SCYL2: variants seen among roughly 807,000 people sequenced by gnomAD.
SCYL2 encodes the protein SCY1-like protein 2.
SCYL2 carries 36 observed loss-of-function variants against 100.4 expected under a neutral mutation model. The observed-to-expected ratio is 0.36, with a 90% CI of 0.27 to 0.47. The LOEUF is 0.47. Ranked by LOEUF, SCYL2 falls within the 20% of genes least tolerant of loss-of-function variation. The pLI, the probability that SCYL2 is intolerant of heterozygous loss-of-function variation, is 1.00. For missense variants in SCYL2, 902 were observed against 1,083.9 expected, an observed-to-expected ratio of 0.83 and a Z score of 2.36; for synonymous variants, 330 against 359.2, an observed-to-expected ratio of 0.92 and a Z score of 0.92.
chr12:100,336,173 TG>T (rs1421772563), intron 16 of SCYL2, among the ~76,000 whole-genome samples: 2 of 152,164 alleles, frequency 1.3e-5, no homozygotes, highest in African/African-American at 4.8e-5. Flanking sequence ...TCTTGTACTT[TG>T]CCAGTCACAC....
At chr12:100,293,902 A>G (rs1218251755) in intron 3 of SCYL2, among the ~76,000 whole-genome samples, 1 of 152,140 alleles carries the variant, frequency 6.6e-6, no homozygotes, top group Non-Finnish European at 1.5e-5. Flanking sequence ...GTATAGAACA[A>G]AATGAAAAGT....
intron 3 of SCYL2, 172 bp downstream of exon 3, chr12:100,291,832 GTC>G (rs1446585969): frequency 3.4e-6 from 2 of 580,918 alleles, no homozygotes; most frequent in Non-Finnish European, 5.8e-6. Flanking sequence ...CTACGTATAT[GTC>G]TCTCTTTGAA....
At chr12:100,305,105 A>G (rs1377002188) in intron 4 of SCYL2, among the ~76,000 whole-genome samples, 2 of 152,196 alleles carry the variant, frequency 1.3e-5, no homozygotes, top group African/African-American at 4.8e-5. Flanking sequence ...CGAGACAGAA[A>G]ATTAACAAGG....
At chr12:100,328,659 T>A (rs749739601) in intron 12 of SCYL2, among the ~76,000 whole-genome samples, 4 of 152,178 alleles carry the variant, frequency 2.6e-5, no homozygotes, top group Non-Finnish European at 4.4e-5. Context: ...TGTGGATAGA[T>A]GTAACAAGTG....
chr12:100,291,309 A>G (rs1224074060), intron 2 of SCYL2, among the ~76,000 whole-genome samples, 194 bp from the exon 3 acceptor site: 2 of 152,196 alleles, frequency 1.3e-5, no homozygotes, highest in African/African-American at 4.8e-5. Flanking sequence ...TGTTCTTTAG[A>G]TGAGGACTCT....
At chr12:100,277,753 G>T (rs922503098) in intron 1 of SCYL2, among the ~76,000 whole-genome samples, 2 of 151,806 alleles carry the variant, frequency 1.3e-5, no homozygotes, top group African/African-American at 4.8e-5. Flanking sequence ...TATTTATTTT[G>T]TATTTGCCAC....
intron 11 of SCYL2, among the ~76,000 whole-genome samples, chr12:100,325,669 G>A (rs1008757489): frequency 8.6e-5 from 13 of 152,044 alleles, no homozygotes; most frequent in African/African-American, 3.1e-4. Context: ...TCCTCCAAGA[G>A]CTATATTTAT....
chr12:100,289,271 G>A (rs910477538), intron 2 of SCYL2, among the ~76,000 whole-genome samples: 2 of 152,166 alleles, frequency 1.3e-5, no homozygotes, highest in Admixed American at 6.5e-5. Context: ...GACATGCATC[G>A]TGTTTTGCTT....
rs879261638 is a variant in SCYL2, at chr12:100,267,209, C to T, written c.-612C>T. On this transcript the variant is annotated 5_prime_UTR_variant, in exon 1 of 18. Transcript: ENST00000360820. ...TTCCCCCTCCCTTACTCTTCGTCCC[C>T]GGTCCCTCCCCTCCCCACCCCTTTC... is the stretch of plus-strand genomic sequence containing the variant. 9.4e-6 allele frequency: 9 copies of T among 957,330 alleles called. No homozygotes were observed. Among genetic ancestry groups the T allele is most frequent in the South Asian group, 1.7e-5 (1 of 58,532 alleles). 59.3% of individuals were successfully genotyped at this position (957,330 alleles called of 1,614,324 possible).
In SCYL2 at chr12:100,312,603, G is replaced by C; in HGVS notation, c.802G>C (p.Glu268Gln). Residue 268 changes from glutamate (E) to glutamine (Q), a missense_variant, in exon 6 of 18, where the codon GAA becomes CAA. Physicochemically the swap from Glu to Gln is conservative, Grantham distance 29. Coordinates refer to ENST00000360820, the MANE Select transcript of SCYL2 (RefSeq NM_017988.6). ...AVFNKGKPIF[E>Q]VNKQDIYKSF... ...ATTTAATAAAGGGAAACCTATATTT[G>C]AAGTCAACAAGCAAGATATTTACAA... 1 of 1,612,794 alleles carries C rather than the reference G, an allele frequency of 6.2e-7. No homozygotes were observed. The highest frequency in any genetic ancestry group is 1.1e-5 in the South Asian group (1 of 90,992).
intron 1 of SCYL2, among the ~76,000 whole-genome samples, chr12:100,282,711 C>T (rs1410217420): frequency 6.6e-6 from 1 of 152,142 alleles, no homozygotes; most frequent in African/African-American, 2.4e-5. Flanking sequence ...GTGAGTATAT[C>T]TTTTCCTGGT....
intron 11 of SCYL2, among the ~76,000 whole-genome samples, chr12:100,325,205 C>A (rs1009968957): frequency 6.6e-6 from 1 of 151,948 alleles, no homozygotes; most frequent in Non-Finnish European, 1.5e-5. Flanking sequence ...CTCCCCACCC[C>A]GCCCAAAAAA....
chr12:100,284,043 G>A (rs1260927344), intron 2 of SCYL2, among the ~76,000 whole-genome samples: 1 of 152,108 alleles, frequency 6.6e-6, no homozygotes, highest in African/African-American at 2.4e-5. Flanking sequence ...TATTAATGAG[G>A]TCATGAGTTT....
intron 1 of SCYL2, among the ~76,000 whole-genome samples, chr12:100,276,733 A>G (rs1344492267): frequency 1.3e-5 from 2 of 151,018 alleles, no homozygotes. Flanking sequence ...CCTCTTTTTC[A>G]TTTCTCTATT....
At chr12:100,288,564 G>A (rs1349176386) in intron 2 of SCYL2, among the ~76,000 whole-genome samples, 1 of 152,030 alleles carries the variant, frequency 6.6e-6, no homozygotes, top group African/African-American at 2.4e-5. Flanking sequence ...AGCTGAGCAC[G>A]GTGGCTCACA....
In SCYL2 at chr12:100,304,849, C is replaced by T. The variant is rs141077768; in HGVS notation, c.481-6195C>T. On this transcript the variant is annotated intron_variant, in intron 4 of 17. Transcript: ENST00000360820. ...AAAGCAAAAAAAAAAGCGGGGGTTG[C>T]AGTCCTAGCCTCTGATATAACAGCC... 1.8e-3 allele frequency among the ~76,000 whole-genome samples: 270 copies of T among 151,796 alleles called. 1 individual carries two copies. The highest frequency in any genetic ancestry group is 6.2e-3 in the African/African-American group (256 of 41,358).
At chr12:100,294,524 C>A (rs2096315656) in intron 3 of SCYL2, among the ~76,000 whole-genome samples, 1 of 113,718 alleles carries the variant, frequency 8.8e-6, no homozygotes, top group Non-Finnish European at 1.9e-5. Context: ...CTCCCCCAGG[C>A]TGACTCCCCC....
intron 4 of SCYL2, among the ~76,000 whole-genome samples, chr12:100,299,561 G>A (rs1012065417): frequency 3.3e-5 from 5 of 152,048 alleles, no homozygotes; most frequent in African/African-American, 1.2e-4. Context: ...TCACTGACCT[G>A]CTTTCTATCA....
At chr12:100,330,130 G>A (rs1952190698) in intron 13 of SCYL2, among the ~76,000 whole-genome samples, 1 of 152,150 alleles carries the variant, frequency 6.6e-6, no homozygotes, top group Admixed American at 6.6e-5. Context: ...AGATAATTGG[G>A]AACCATTTTA....
Sources: allele counts gnomAD v4.1 joint callset (sites outside exome capture counted in the v4.1 genomes callset), GRCh38; gene constraint gnomAD v4.1.1; transcripts MANE v1.5; gene names NCBI Gene and HGNC (gene_info 2026-07-23, HGNC 2026-07-21).